The following FRMD4B variants were observed in gnomAD, a reference collection of about 807,000 sequenced individuals.
FRMD4B encodes FERM domain containing 4B, also known as FERM domain-containing protein 4B.
A neutral mutation model predicts 141.5 loss-of-function variants in FRMD4B; 74 were observed. That is an observed-to-expected ratio of 0.52 (90% CI 0.43 to 0.63). FRMD4B has a LOEUF of 0.63. Among genes scored for constraint, FRMD4B ranks in the 30% least tolerant of loss-of-function variants. The pLI is 0.00. For missense variants in FRMD4B, 1,366 were observed against 1,253.4 expected (o/e 1.09, Z -1.36); for synonymous variants, 506 against 467.9 (o/e 1.08, Z -1.05).
At chr3:69,486,080 A>G (rs150190245) in intron 1 of FRMD4B, among the ~76,000 whole-genome samples, 14 of 152,362 alleles carry the variant, frequency 9.2e-5, no homozygotes. Flanking sequence ...GGGCAGTTCA[A>G]TAGAGCAATT....
At chr3:69,414,840 G>A (rs1447147069) in intron 2 of FRMD4B, among the ~76,000 whole-genome samples, 3 of 149,884 alleles carry the variant, frequency 2.0e-5, no homozygotes, top group African/African-American at 7.4e-5. Flanking sequence ...TACTTATGTT[G>A]AGACTCACAG....
In FRMD4B at chr3:69,202,203, C is replaced by CA. The variant is rs367922982; in HGVS notation, c.877-3430dup. Among the ~76,000 whole-genome samples, 191 of 150,918 alleles carry CA rather than the reference C, an allele frequency of 1.3e-3. 1 individual carries two copies. Among genetic ancestry groups the CA allele is most frequent in the African/African-American group, 4.2e-3 (171 of 41,130 alleles). On this transcript the variant is annotated intron_variant, in intron 11 of 22. Transcript: ENST00000398540. Reference sequence around the variant, plus strand: ...TGGCGACAAGAGCGAAAATCCGTCTCAAAAAAAAGAAAAGTCATGAAGGGA... The same window carrying CA: ...TGGCGACAAGAGCGAAAATCCGTCTCAAAAAAAAAGAAAAGTCATGAAGGGA...
rs549089378 is a variant in FRMD4B, at chr3:69,402,506, C to A, written c.-1+30128G>T. Among the ~76,000 whole-genome samples, 3 of 152,234 alleles carry A rather than the reference C, an allele frequency of 2.0e-5. No homozygotes were observed. The South Asian group carries it at 6.2e-4, about 32-fold the overall frequency. On this transcript the variant is annotated intron_variant, in intron 2 of 5. Coordinates refer to the FRMD4B transcript ENST00000459638. ...TGGGTTCTCTCTTACTTTAGGAGATCTTTAATGATATACTTTACACTGGAC... is the reference window on the plus strand; with the variant it reads ...TGGGTTCTCTCTTACTTTAGGAGATATTTAATGATATACTTTACACTGGAC...
chr3:69,344,552 T>A (rs1056034086), intron 1 of FRMD4B, among the ~76,000 whole-genome samples: 1 of 152,230 alleles, frequency 6.6e-6, no homozygotes, highest in Non-Finnish European at 1.5e-5. Flanking sequence ...AGACTGAATA[T>A]GAAAAATTAG....
intron 3 of FRMD4B, 102 bp from the exon 4 acceptor site, chr3:69,302,537 C>T: frequency 1.4e-6 from 1 of 731,898 alleles, no homozygotes; most frequent in Non-Finnish European, 2.5e-6. Flanking sequence ...CTCTCATACA[C>T]CGATGGTAGG....
At chr3:69,450,209 G>A (rs533319348) in intron 1 of FRMD4B, among the ~76,000 whole-genome samples, 17 of 152,294 alleles carry the variant, frequency 1.1e-4, no homozygotes, top group Non-Finnish European at 2.4e-4. Context: ...TTATGTTCAC[G>A]TTTTTATGCT....
intron 9 of FRMD4B, among the ~76,000 whole-genome samples, chr3:69,218,742 T>C (rs1215762707): frequency 6.6e-6 from 1 of 152,226 alleles, no homozygotes; most frequent in Non-Finnish European, 1.5e-5. Context: ...TACTCATAAG[T>C]TAAACAATAA....
intron 1 of FRMD4B, among the ~76,000 whole-genome samples, chr3:69,479,162 T>C (rs1027458696): frequency 6.6e-6 from 1 of 150,488 alleles, no homozygotes; most frequent in Non-Finnish European, 1.5e-5. Flanking sequence ...CTTTATCCAA[T>C]TTGCCAGTCT....
intron 2 of FRMD4B, among the ~76,000 whole-genome samples, chr3:69,432,461 T>C (rs1705196324): frequency 6.6e-6 from 1 of 152,216 alleles, no homozygotes; most frequent in Non-Finnish European, 1.5e-5. Context: ...TTCTTCATCA[T>C]TTGCTAGTAA....
At position 69,219,954 on chromosome 3, in the gene FRMD4B, A is replaced by G. The variant is rs2107740679; in HGVS notation, c.732-1575T>C. Among the ~76,000 whole-genome samples, 3 of 152,326 alleles carry G rather than the reference A, an allele frequency of 2.0e-5. No homozygotes were observed. The Middle Eastern group carries it at 0.01, about 522-fold the overall frequency. On this transcript the variant is annotated intron_variant, in intron 9 of 22. Coordinates refer to ENST00000398540, the MANE Select transcript of FRMD4B (RefSeq NM_015123.3). ...ATGTCCCTGCAAAGGACATGATCTC[A>G]TTCCTTTGTATGGCTACATAGTATT...
intron 2 of FRMD4B, among the ~76,000 whole-genome samples, chr3:69,422,931 C>T (rs564728470): frequency 5.3e-5 from 8 of 152,236 alleles, no homozygotes; most frequent in African/African-American, 1.9e-4. Flanking sequence ...AACTGTAGGG[C>T]AGGGATTGCT....
intron 2 of FRMD4B, among the ~76,000 whole-genome samples, chr3:69,418,090 T>C (rs1198462362): frequency 6.6e-6 from 1 of 152,176 alleles, no homozygotes. Context: ...CTTTGATGTA[T>C]ATATATGGTA....
intron 1 of FRMD4B, among the ~76,000 whole-genome samples, chr3:69,496,643 G>C: frequency 1.1e-5 from 1 of 91,860 alleles, no homozygotes; most frequent in African/African-American, 5.3e-5. Context: ...GAGAAAGAGA[G>C]AGAGAGAGAG....
rs770310520 is a variant in FRMD4B, at chr3:69,181,635, C to T, written c.2115G>A (p.Met705Ile). The change falls in exon 21 of 23, where the codon ATG becomes ATA. Residue 705 changes from methionine to isoleucine, a missense_variant. Met to Ile is a conservative substitution (Grantham distance 10, BLOSUM62 1). Transcript: ENST00000398540. ...LESQSHLLSE[M>I]DSDKPFFSLS... ...GGGAGAAAAATGGCTTATCGCTGTC[C>T]ATCTCGGAGAGCAGGTGGGACTGGG... 3.7e-6 allele frequency: 6 copies of T among 1,613,468 alleles called. No individual in the cohort carries two copies. The highest frequency in any genetic ancestry group is 3.3e-5 in the Admixed American group (2 of 59,976).
chr3:69,320,405 C>T (rs999036811), intron 1 of FRMD4B, among the ~76,000 whole-genome samples: 25 of 151,950 alleles, frequency 1.6e-4, no homozygotes, highest in African/African-American at 5.6e-4. Context: ...CCCACCTGGG[C>T]GACATAGTGA....
intron 7 of FRMD4B, chr3:69,228,492 C>T: frequency 2.2e-6 from 1 of 455,942 alleles, no homozygotes; most frequent in South Asian, 1.5e-5. Flanking sequence ...ATATAAGATA[C>T]AGATTTGACT....
At chr3:69,427,158 G>T (rs1467536769) in intron 2 of FRMD4B, among the ~76,000 whole-genome samples, 2 of 151,496 alleles carry the variant, frequency 1.3e-5, no homozygotes, top group Non-Finnish European at 2.9e-5. Flanking sequence ...CTAATACAAA[G>T]ATTTCCAAAA....
At chr3:69,542,249 G>C (rs1047170765) in exon 1 of FRMD4B, 3 of 152,262 alleles carry the variant, frequency 2.0e-5, no homozygotes, top group African/African-American at 4.8e-5. Context: ...GGCTGTAGAC[G>C]GCTACTTTAT....
At chr3:69,252,579 G>A (rs1387704336) in intron 5 of FRMD4B, among the ~76,000 whole-genome samples, 1 of 152,174 alleles carries the variant, frequency 6.6e-6, no homozygotes, top group African/African-American at 2.4e-5. Flanking sequence ...AAAGTTCTTT[G>A]ACTCATTCAC....
Sources: gnomAD v4.1 joint callset for allele counts (sites outside exome capture counted in the v4.1 genomes callset) on GRCh38, gnomAD v4.1.1 for gene constraint, MANE v1.5 for transcripts, NCBI Gene and HGNC (gene_info 2026-07-23, HGNC 2026-07-21) for gene names.